KCND2: variants seen among roughly 807,000 people sequenced by gnomAD.
The protein encoded by KCND2 is potassium voltage-gated channel subfamily D member 2, also known as A-type voltage-gated potassium channel KCND2.
In KCND2, 16 loss-of-function variants were observed where a neutral mutation model predicts 54.4. That is an observed-to-expected ratio of 0.29 (90% CI 0.20 to 0.45). The LOEUF is 0.45. Ranked by LOEUF, KCND2 falls within the 20% of genes least tolerant of loss-of-function variation. The probability of loss-of-function intolerance (pLI) is 1.00; values close to 1 mark genes in which losing one functional copy is unlikely to be tolerated. For missense variants in KCND2, 486 were observed against 824.2 expected (o/e 0.59, Z 5.02); for synonymous variants, 317 against 310.7 (o/e 1.02, Z -0.21).
At position 120,507,473 on chromosome 7, in the gene KCND2, G is replaced by A. The variant is rs1364392363; in HGVS notation, c.1116-225430G>A. On this transcript the variant is annotated intron_variant, in intron 1 of 5. Coordinates refer to ENST00000331113, the MANE Select transcript of KCND2 (RefSeq NM_012281.3). ...TGCAGTTAGGTGTCACCAAGGGATA[G>A]ATTTCTGGCAAATGGGATGTAAGCA... Among the ~76,000 whole-genome samples the A allele has an allele frequency of 3.3e-5, 5 of 151,900 alleles. No homozygotes were observed. In the Admixed American group the frequency reaches 3.3e-4, roughly 10 times the overall value.
At chr7:120,543,668 A>G (rs1792010092) in intron 1 of KCND2, among the ~76,000 whole-genome samples, 5 of 152,014 alleles carry the variant, frequency 3.3e-5, no homozygotes. Flanking sequence ...AACAGAGACT[A>G]TTGTAATGTA....
At chr7:120,294,842 A>G (rs929504735) in intron 1 of KCND2, among the ~76,000 whole-genome samples, 3 of 151,880 alleles carry the variant, frequency 2.0e-5, no homozygotes, top group Non-Finnish European at 4.4e-5. Flanking sequence ...ATACACATGT[A>G]TATACATACA....
chr7:120,417,174 A>G (rs1331739055), intron 1 of KCND2, among the ~76,000 whole-genome samples: 4 of 152,230 alleles, frequency 2.6e-5, no homozygotes. Flanking sequence ...AGAAAAGCTC[A>G]GGTCAGTCCT....
At chr7:120,637,832 C>G (rs776742628) in intron 1 of KCND2, among the ~76,000 whole-genome samples, 22 of 151,996 alleles carry the variant, frequency 1.4e-4, no homozygotes, top group Non-Finnish European at 2.4e-4. Flanking sequence ...AGTTCTAGGA[C>G]CTAGCTTGAA....
At chr7:120,396,114 A>G (rs1177473611) in intron 1 of KCND2, among the ~76,000 whole-genome samples, 1 of 135,254 alleles carries the variant, frequency 7.4e-6, no homozygotes, top group Non-Finnish European at 1.5e-5. Flanking sequence ...GTACAAGTCC[A>G]GGGCCTGATA....
intron 1 of KCND2, among the ~76,000 whole-genome samples, chr7:120,351,266 A>ATATATATATATATATATC (rs1375713144): frequency 6.9e-6 from 1 of 145,304 alleles, no homozygotes; most frequent in African/African-American, 2.5e-5. Flanking sequence ...ATATATATAT[A>ATATATATATATATATATC]TCCAGTATAT....
intron 1 of KCND2, among the ~76,000 whole-genome samples, chr7:120,517,556 A>C (rs1803214214): frequency 6.6e-6 from 1 of 152,138 alleles, no homozygotes; most frequent in South Asian, 2.1e-4. Context: ...ACCTTAGAGA[A>C]ATTAATTGAT....
chr7:120,356,348 A>G (rs755401960), intron 1 of KCND2, among the ~76,000 whole-genome samples: 1 of 152,152 alleles, frequency 6.6e-6, no homozygotes, highest in Non-Finnish European at 1.5e-5. Context: ...CTATAGTTAC[A>G]CTGCTGAGAG....
chr7:120,505,422 T>G (rs1466359854), intron 1 of KCND2, among the ~76,000 whole-genome samples: 2 of 151,914 alleles, frequency 1.3e-5, no homozygotes, highest in East Asian at 1.9e-4. Flanking sequence ...AACTTAAGGG[T>G]TTTTCTTTAT....
intron 1 of KCND2, among the ~76,000 whole-genome samples, chr7:120,449,055 C>A (rs544896824): frequency 2.0e-5 from 3 of 152,194 alleles, no homozygotes; most frequent in Non-Finnish European, 4.4e-5. Context: ...CTCAGCCAGG[C>A]GCGGTGGCTC....
At chr7:120,458,634 T>C (rs1802237018) in intron 1 of KCND2, among the ~76,000 whole-genome samples, 1 of 152,146 alleles carries the variant, frequency 6.6e-6, no homozygotes, top group Non-Finnish European at 1.5e-5. Context: ...AAAAAGAGAA[T>C]CCAAGGCTGA....
At chr7:120,530,283 CATAAAT>C (rs1391714947) in intron 1 of KCND2, among the ~76,000 whole-genome samples, 2 of 152,004 alleles carry the variant, frequency 1.3e-5, no homozygotes, top group South Asian at 4.2e-4. Context: ...TCATGTAACT[CATAAAT>C]ATATGTACCT....
At chr7:120,703,155 G>A (rs981493580) in intron 1 of KCND2, among the ~76,000 whole-genome samples, 10 of 152,178 alleles carry the variant, frequency 6.6e-5, no homozygotes, top group African/African-American at 2.4e-4. Flanking sequence ...AAGAGAGAAA[G>A]TATCTGAACA....
intron 1 of KCND2, among the ~76,000 whole-genome samples, chr7:120,525,336 G>A (rs1791759490): frequency 6.6e-6 from 1 of 151,966 alleles, no homozygotes; most frequent in South Asian, 2.1e-4. Flanking sequence ...AGTATACCAG[G>A]GCATGCAACT....
intron 1 of KCND2, among the ~76,000 whole-genome samples, chr7:120,504,254 A>G (rs1802982510): frequency 6.6e-6 from 1 of 151,988 alleles, no homozygotes; most frequent in Admixed American, 6.6e-5. Context: ...ATAATTCTTT[A>G]GTTCAAAACA....
chr7:120,638,573 T>G (rs1049390003), intron 1 of KCND2, among the ~76,000 whole-genome samples: 2 of 152,136 alleles, frequency 1.3e-5, no homozygotes, highest in Non-Finnish European at 2.9e-5. Flanking sequence ...CCTAAAATAG[T>G]GTCTTGGAAA....
At chr7:120,518,938 G>T (rs1181460758) in intron 1 of KCND2, among the ~76,000 whole-genome samples, 1 of 152,164 alleles carries the variant, frequency 6.6e-6, no homozygotes, top group East Asian at 1.9e-4. Context: ...CTATGAAGAA[G>T]AGAGGAAACA....
intron 1 of KCND2, among the ~76,000 whole-genome samples, chr7:120,549,491 GTTGA>G (rs2116393491): frequency 6.6e-6 from 1 of 152,260 alleles, no homozygotes; most frequent in South Asian, 2.1e-4. Flanking sequence ...GTGTTTGTGT[GTTGA>G]TTAACACTGC....
intron 1 of KCND2, among the ~76,000 whole-genome samples, chr7:120,667,918 C>T (rs1791947842): frequency 6.6e-6 from 1 of 151,742 alleles, no homozygotes; most frequent in African/African-American, 2.4e-5. Context: ...ACATGTAATA[C>T]CAAAGTAAAC....
Sources: allele counts gnomAD v4.1 joint callset (sites outside exome capture counted in the v4.1 genomes callset), GRCh38; gene constraint gnomAD v4.1.1; transcripts MANE v1.5; gene names NCBI Gene and HGNC (gene_info 2026-07-23, HGNC 2026-07-21).